Variants in CA5B observed in about 807,000 individuals in gnomAD.
The protein encoded by CA5B is carbonic anhydrase 5B, mitochondrial.
CA5B carries 15 observed loss-of-function variants against 23.1 expected under a neutral mutation model. The ratio of observed to expected loss-of-function variants is 0.65; its 90% CI spans 0.43 to 1.00. The LOEUF (loss-of-function observed/expected upper bound fraction) is 1.00, where lower values mean the gene tolerates loss of function less well. Among genes scored for constraint, CA5B ranks in the 50% least tolerant of loss-of-function variants. The probability of loss-of-function intolerance (pLI) is 0.00; values close to 1 mark genes in which losing one functional copy is unlikely to be tolerated. For synonymous variants in CA5B, 84 were observed against 98.5 expected (o/e 0.85, Z 0.87); for missense variants, 236 against 252.2 (o/e 0.94, Z 0.43).
At chrX:15,753,891 C>CA (rs1931436745) in intron 2 of CA5B, among the ~76,000 whole-genome samples, 1 of 110,797 alleles carries the variant, frequency 9.0e-6, no homozygotes, top group Non-Finnish European at 1.9e-5. Flanking sequence ...GCCTGGGCGA[C>CA]AAGAGCGAAA....
chrX:15,749,658 A>T (rs759146321), intron 1 of CA5B, among the ~76,000 whole-genome samples: 19 of 108,716 alleles, frequency 1.7e-4, no homozygotes, highest in Middle Eastern at 4.7e-3. Flanking sequence ...TTTTTTTTTT[A>T]AGAAACTGTA....
intron 1 of CA5B, among the ~76,000 whole-genome samples, chrX:15,748,797 C>G (rs1931296223): frequency 9.5e-6 from 1 of 105,601 alleles, no homozygotes; most frequent in African/African-American, 3.5e-5. Flanking sequence ...ACCTGTAATC[C>G]CAGCACTTTG....
chrX:15,745,225 A>T (rs1931206647), intron 1 of CA5B, among the ~76,000 whole-genome samples: 1 of 109,152 alleles, frequency 9.2e-6, no homozygotes, highest in South Asian at 3.8e-4. Flanking sequence ...CTGTTTAATT[A>T]TACTAAGTAA....
intron 2 of CA5B, among the ~76,000 whole-genome samples, chrX:15,754,826 G>A (rs1019853546): frequency 2.7e-5 from 3 of 112,314 alleles, no homozygotes; most frequent in African/African-American, 9.7e-5. Flanking sequence ...GTAGAAGAAA[G>A]ATAAACATGT....
At chrX:15,738,800 G>A (rs1384084786) in intron 1 of CA5B, among the ~76,000 whole-genome samples, 2 of 110,944 alleles carry the variant, frequency 1.8e-5, no homozygotes, top group Non-Finnish European at 3.8e-5. Context: ...CAGAAACCGA[G>A]GCTCAGTAAA....
intron 2 of CA5B, among the ~76,000 whole-genome samples, chrX:15,758,260 A>T (rs1467639160): frequency 5.4e-5 from 6 of 111,852 alleles, no homozygotes; most frequent in African/African-American, 2.0e-4. Context: ...CAAAAAACCA[A>T]GGTGCCAGTA....
At chrX:15,779,625 A>G (rs1315752646) in intron 7 of CA5B, among the ~76,000 whole-genome samples, 1 of 111,983 alleles carries the variant, frequency 8.9e-6, no homozygotes, top group Non-Finnish European at 1.9e-5. Flanking sequence ...TTGAGCAGGC[A>G]TTTGGGGGAA....
At chrX:15,745,904 G>A (rs929767434) in intron 1 of CA5B, among the ~76,000 whole-genome samples, 1 of 111,216 alleles carries the variant, frequency 9.0e-6, no homozygotes, top group Non-Finnish European at 1.9e-5. Context: ...TATATGATGG[G>A]TAGCATTTTA....
At chrX:15,750,266 C>G in intron 2 of CA5B, 101 bp downstream of exon 2, 1 of 651,265 alleles carries the variant, frequency 1.5e-6, no homozygotes, top group Non-Finnish European at 2.3e-6. Context: ...AAAGAGGGAG[C>G]AAGTGTGCAA....
intron 3 of CA5B, among the ~76,000 whole-genome samples, chrX:15,767,609 A>G (rs761902983): frequency 1.9e-5 from 2 of 107,536 alleles, no homozygotes; most frequent in Non-Finnish European, 3.8e-5. Context: ...TGTTTTTAAG[A>G]CGGAGTTTTG....
chrX:15,764,085 C>T, intron 2 of CA5B, among the ~76,000 whole-genome samples: 1 of 111,692 alleles, frequency 9.0e-6, no homozygotes, highest in African/African-American at 3.3e-5. Flanking sequence ...TCTGTAAACA[C>T]CCCCAGAGAA....
intron 3 of CA5B, chrX:15,769,400 G>A (rs1931776061): frequency 6.3e-6 from 4 of 639,273 alleles, no homozygotes; most frequent in Non-Finnish European, 5.6e-6. Context: ...TAAGAGAGTC[G>A]AAATACTGTG....
At chrX:15,775,467 C>T in intron 6 of CA5B, 159 bp downstream of exon 6, 6 of 989,763 alleles carry the variant, frequency 6.1e-6, no homozygotes, top group Non-Finnish European at 7.6e-6. Flanking sequence ...GGACAGAAGT[C>T]ATCATTCTGT....
intron 1 of CA5B, among the ~76,000 whole-genome samples, chrX:15,748,340 G>A (rs749373378): frequency 1.8e-5 from 2 of 111,526 alleles, no homozygotes; most frequent in Admixed American, 9.5e-5. Context: ...AAAATGATTT[G>A]GGGGCTGCTT....
At chrX:15,762,182 ATTGC>A (rs748608350) in intron 2 of CA5B, among the ~76,000 whole-genome samples, 1 of 109,091 alleles carries the variant, frequency 9.2e-6, no homozygotes, top group Non-Finnish European at 1.9e-5. Context: ...AGGCAGGAGA[ATTGC>A]TTGAACCCAG....
chrX:15,751,724 C>G (rs1364015829), intron 2 of CA5B, among the ~76,000 whole-genome samples: 1 of 110,871 alleles, frequency 9.0e-6, no homozygotes, highest in Non-Finnish European at 1.9e-5. Context: ...CTAGGAAAAA[C>G]AGGGGACAGT....
Position 15,783,857 on chromosome X carries a change from A to G in CA5B, c.*1193A>G, listed in dbSNP as rs1932066153. 9.5e-6 allele frequency: 1 copy of G among 105,357 alleles called. No homozygotes were observed. The highest frequency in any genetic ancestry group is 1.9e-5 in the Non-Finnish European group (1 of 51,460). The allele number at this position is 105,357 out of a possible 1,213,427, so 8.7% of individuals were successfully genotyped here. On this transcript the variant is annotated 3_prime_UTR_variant, in exon 8 of 8. Coordinates refer to ENST00000318636, the MANE Select transcript of CA5B (RefSeq NM_007220.4). ...AGTGCCTAGAACTTAGAATTCTTTC[A>G]TTGCACATTTCCAGAAATATTTTTC...
At chrX:15,746,324 C>T (rs56127019) in intron 1 of CA5B, among the ~76,000 whole-genome samples, 35,148 of 110,654 alleles carry the variant, frequency 0.32, 5,447 homozygotes, top group Non-Finnish European at 0.47. Context: ...GGGTTACAGG[C>T]GTGAGCCACT....
At chrX:15,742,234 T>C (rs1341531751) in intron 1 of CA5B, among the ~76,000 whole-genome samples, 1 of 112,909 alleles carries the variant, frequency 8.9e-6, no homozygotes, top group Non-Finnish European at 1.9e-5. Context: ...GTGACATCTC[T>C]GGATTAGTTC....
Sources: gnomAD v4.1 joint callset for allele counts (sites outside exome capture counted in the v4.1 genomes callset) on GRCh38, gnomAD v4.1.1 for gene constraint, MANE v1.5 for transcripts, NCBI Gene and HGNC (gene_info 2026-07-23, HGNC 2026-07-21) for gene names.